Variants in APC observed in about 807,000 individuals in gnomAD.
APC encodes the protein adenomatous polyposis coli protein.
In APC, 72 loss-of-function variants were observed where a neutral mutation model predicts 247.0. That is an observed-to-expected ratio of 0.29 (90% CI 0.24 to 0.35). APC has a LOEUF of 0.35. Ranked by LOEUF, APC falls within the 10% of genes least tolerant of loss-of-function variation. The probability of loss-of-function intolerance (pLI) is 1.00; values close to 1 mark genes in which losing one functional copy is unlikely to be tolerated. For synonymous variants in APC, 1,254 were observed against 1,162.5 expected (o/e 1.08, Z -1.60); for missense variants, 3,400 against 3,360.7 (o/e 1.01, Z -0.29).
rs75870842 is a variant in APC, at chr5:112,827,984, C to T, written c.1604C>T (p.Ser535Phe). Reference sequence around the variant, plus strand: ...AGAGCACTTGTGGCCCAACTAAAATCTGAAAGTGAAGACTTACAGCAGGTA... The same window carrying T: ...AGAGCACTTGTGGCCCAACTAAAATTTGAAAGTGAAGACTTACAGCAGGTA... ...CMRALVAQLK[S>F]ESEDLQQVIA... is the part of the protein sequence containing the mutation. The change falls in exon 13 of 16, where the codon TCT becomes TTT. Residue 535 changes from serine (S) to phenylalanine (F), a missense_variant. This residue lies in a region of APC where 184 missense variants were observed against 248.0 expected (regional missense o/e 0.74). Transcript: ENST00000257430. The T allele has an allele frequency of 1.1e-4, 171 of 1,612,944 alleles. No homozygotes were observed. The African/African-American group carries it at 2.0e-3, about 19-fold the overall frequency.
intron 9 of APC, among the ~76,000 whole-genome samples, chr5:112,818,226 T>C (rs1347157185): frequency 6.6e-6 from 1 of 152,214 alleles, no homozygotes; most frequent in African/African-American, 2.4e-5. Context: ...TATAATACCC[T>C]CTAGCGTTAA....
At chr5:112,713,980 C>T (rs1443290908) in intron 1 of APC, among the ~76,000 whole-genome samples, 1 of 152,148 alleles carries the variant, frequency 6.6e-6, no homozygotes, top group African/African-American at 2.4e-5. Flanking sequence ...TTTGACTGAA[C>T]ATTTAAATAG....
chr5:112,812,788 C>T (rs945766520), intron 8 of APC, among the ~76,000 whole-genome samples: 1 of 152,174 alleles, frequency 6.6e-6, no homozygotes. Flanking sequence ...TTCCTGGTGA[C>T]TAATATACTA....
chr5:112,715,065 C>T (rs898946290), intron 1 of APC, among the ~76,000 whole-genome samples: 3 of 152,194 alleles, frequency 2.0e-5, no homozygotes, highest in African/African-American at 4.8e-5. Flanking sequence ...GAATTATGTA[C>T]ATTGTACTCC....
rs938901263 is a variant in APC at position 112,779,269 on chromosome 5, C to T, written c.532-1521C>T. Among the ~76,000 whole-genome samples the T allele has an allele frequency of 4.6e-5, 7 of 152,056 alleles. No individual in the cohort carries two copies. In the South Asian group the frequency reaches 6.2e-4, roughly 14 times the overall value. ...AATACCAAAGTGTAGTTTTGCTTAC[C>T]GTTAATTTTGGTCATTAGAGAATAT... On this transcript the variant is annotated intron_variant, in intron 5 of 15. Transcript: ENST00000257430.
In APC at chr5:112,846,162, T is replaced by C. The variant is rs2150014556; in HGVS notation, c.*2036T>C. 1 of 232,276 alleles carries C rather than the reference T, an allele frequency of 4.3e-6. No individual in the cohort carries two copies. Among genetic ancestry groups the C allele is most frequent in the East Asian group, 6.1e-5 (1 of 16,386 alleles). The allele number at this position is 232,276 out of a possible 1,614,324, so 14.4% of individuals were successfully genotyped here. A position where few individuals can be genotyped will look rare whatever the true frequency, so the allele number is the denominator to read the frequency against. Reference sequence around the variant, plus strand: ...GATTGACCTTTAAATTTTTGCCAAATGTTATCTGAAATTGTCTATGAATAC... The same window carrying C: ...GATTGACCTTTAAATTTTTGCCAAACGTTATCTGAAATTGTCTATGAATAC... On this transcript the variant is annotated 3_prime_UTR_variant, in exon 16 of 16. Transcript: ENST00000257430.
At position 112,821,989 on chromosome 5, in the gene APC, T is replaced by C. The variant is rs2149792856; in HGVS notation, c.1406T>C (p.Leu469Pro). The change falls in exon 11 of 16, where the codon CTA (leucine) becomes CCA (proline). Residue 469 changes from leucine (L) to proline (P), a missense_variant and splice_region_variant. By Grantham distance (98) the Leu-to-Pro change is moderately conservative. Transcript: ENST00000257430. ...GAGCATAGACATGCAATGAATGAAC[T>C]AGGTAAGACAAAAATGTTTTTTAAT... ...DEEHRHAMNE[L>P]GGLQAIAELL... The C allele has an allele frequency of 6.2e-7, 1 of 1,602,436 alleles. No homozygotes were observed. The highest frequency in any genetic ancestry group is 8.5e-7 in the Non-Finnish European group (1 of 1,170,258).
At chr5:112,785,998 A>G (rs1170084067) in intron 6 of APC, among the ~76,000 whole-genome samples, 1 of 152,218 alleles carries the variant, frequency 6.6e-6, no homozygotes, top group East Asian at 1.9e-4. Flanking sequence ...GATAAATTAG[A>G]AAAATACTTA....
chr5:112,722,878 C>T (rs1751561429), intron 1 of APC, among the ~76,000 whole-genome samples: 1 of 152,018 alleles, frequency 6.6e-6, no homozygotes, highest in Admixed American at 6.6e-5. Context: ...ATGGAGGCCT[C>T]ATTGCATAGG....
chr5:112,804,985 A>C (rs1352462846), intron 8 of APC, among the ~76,000 whole-genome samples: 3 of 151,856 alleles, frequency 2.0e-5, no homozygotes, highest in African/African-American at 7.3e-5. Flanking sequence ...ATTTTTTTTA[A>C]TTTTTATTTT....
chr5:112,726,948 A>G (rs1697916), intron 1 of APC, among the ~76,000 whole-genome samples: 10,688 of 152,212 alleles, frequency 0.07, 436 homozygotes, highest in Middle Eastern at 0.14. Flanking sequence ...CTCTGAGAAC[A>G]TAATATTAAA....
intron 1 of APC, among the ~76,000 whole-genome samples, chr5:112,750,889 T>A (rs767968304): frequency 6.6e-6 from 1 of 152,204 alleles, no homozygotes; most frequent in Non-Finnish European, 1.5e-5. Context: ...GTTATCCTAG[T>A]GTGTTGTATG....
At chr5:112,814,205 C>T (rs1450732870) in intron 8 of APC, among the ~76,000 whole-genome samples, 1 of 152,184 alleles carries the variant, frequency 6.6e-6, no homozygotes, top group Non-Finnish European at 1.5e-5. Flanking sequence ...TTCTTACAGT[C>T]ATTTCCTTAA....
chr5:112,760,026 A>G (rs1755476277), intron 2 of APC, among the ~76,000 whole-genome samples: 1 of 152,204 alleles, frequency 6.6e-6, no homozygotes, highest in Non-Finnish European at 1.5e-5. Context: ...GGAATCATCA[A>G]GCTCTTTATT....
chr5:112,746,868 A>G (rs1011163111), intron 1 of APC, among the ~76,000 whole-genome samples: 4 of 152,236 alleles, frequency 2.6e-5, no homozygotes, highest in Non-Finnish European at 4.4e-5. Context: ...TCACTTACAG[A>G]TTATATGATT....
intron 1 of APC, among the ~76,000 whole-genome samples, chr5:112,730,255 A>G (rs1303907534): frequency 6.6e-6 from 1 of 152,224 alleles, no homozygotes; most frequent in African/African-American, 2.4e-5. Context: ...ACTGCTGCAG[A>G]GCCAGCTACT....
rs756770951 is a variant in APC at position 112,842,872 on chromosome 5, A to G, written c.7278A>G (p.Gly2426=). 8 of 1,613,920 alleles carry G rather than the reference A, an allele frequency of 5.0e-6. No individual in the cohort carries two copies. In the African/African-American group the frequency reaches 6.7e-5, roughly 13 times the overall value. ...LSRMSSTKSS[G]SESDRSERPV... ...GAATGTCTTCAACTAAATCAAGTGG[A>G]AGTGAATCTGATAGATCAGAAAGAC... The change falls in exon 16 of 16, where the codon GGA becomes GGG. Residue 2426 remains glycine (G), a synonymous_variant. Coordinates refer to ENST00000257430, the MANE Select transcript of APC (RefSeq NM_000038.6).
intron 1 of APC, among the ~76,000 whole-genome samples, chr5:112,739,458 T>C (rs527476945): frequency 1.3e-5 from 2 of 152,372 alleles, no homozygotes; most frequent in South Asian, 4.1e-4. Context: ...GGAATTGGGC[T>C]GGCTTAGATA....
chr5:112,823,592 G>A (rs1763354600), intron 11 of APC, among the ~76,000 whole-genome samples: 1 of 152,152 alleles, frequency 6.6e-6, no homozygotes, highest in Non-Finnish European at 1.5e-5. Flanking sequence ...AGTCAGCTGG[G>A]ATGGTCATTT....
Sources: allele counts gnomAD v4.1 joint callset (sites outside exome capture counted in the v4.1 genomes callset), GRCh38; gene constraint gnomAD v4.1.1; regional missense constraint gnomAD v4.1.1; transcripts MANE v1.5; gene names NCBI Gene and HGNC (gene_info 2026-07-23, HGNC 2026-07-21).